The following CENPP variants were observed in gnomAD, a reference collection of about 807,000 sequenced individuals.
CENPP encodes the protein centromere protein P.
Under a neutral mutation model 35.6 loss-of-function variants are expected in CENPP, and 24 were observed. That is an observed-to-expected ratio of 0.67 (90% CI 0.49 to 0.95). CENPP has a LOEUF of 0.95. CENPP is among the 40% of genes least tolerant of loss of function. The probability of loss-of-function intolerance (pLI) is 0.00; values close to 1 mark genes in which losing one functional copy is unlikely to be tolerated. For missense variants in CENPP, 332 were observed against 345.3 expected (o/e 0.96, Z 0.31); for synonymous variants, 120 against 125.5 (o/e 0.96, Z 0.29).
intron 5 of CENPP, among the ~76,000 whole-genome samples, chr9:92,481,928 ACTTCATGAT>A (rs2131104103): frequency 6.6e-6 from 1 of 152,178 alleles, no homozygotes; most frequent in South Asian, 2.1e-4. Context: ...ATATCCCCAA[ACTTCATGAT>A]CATTATTATA....
At chr9:92,329,462 G>A (rs1197789117) in intron 1 of CENPP, among the ~76,000 whole-genome samples, 3 of 152,076 alleles carry the variant, frequency 2.0e-5, no homozygotes, top group East Asian at 1.9e-4. Context: ...CTGGGATTAC[G>A]TGAGCCACCG....
chr9:92,344,658 C>T (rs1841229376), intron 3 of CENPP, among the ~76,000 whole-genome samples: 1 of 151,926 alleles, frequency 6.6e-6, no homozygotes, highest in African/African-American at 2.4e-5. Context: ...AGCGATTCTC[C>T]TGCCTCAGCC....
At chr9:92,567,399 T>TAGATAGACAGATAG (rs34193112) in intron 5 of CENPP, among the ~76,000 whole-genome samples, 8 of 136,198 alleles carry the variant, frequency 5.9e-5, no homozygotes, top group Non-Finnish European at 1.1e-4. Context: ...TATATATAGA[T>TAGATAGACAGATAG]ATATATATAA....
intron 5 of CENPP, among the ~76,000 whole-genome samples, chr9:92,487,003 A>C (rs1282743791): frequency 6.6e-6 from 1 of 152,118 alleles, no homozygotes; most frequent in East Asian, 1.9e-4. Context: ...GCTGGTCTGG[A>C]GCTCCTGACC....
In CENPP at chr9:92,476,869, A is replaced by G. The variant is rs1284921040; in HGVS notation, c.564+97010A>G. 6.6e-6 allele frequency among the ~76,000 whole-genome samples: 1 copy of G among 152,080 alleles called. No homozygotes were observed. On this transcript the variant is annotated intron_variant, in intron 5 of 7. Transcript: ENST00000375587. The surrounding 1 kb of genome is among the most constrained non-coding windows in gnomAD (Gnocchi z 4.1). ...TCTGTGCTGCCTTCTGCTCCAGCTC[A>G]TGTGGGGGGACTCAGTTGTTTTATC... is the stretch of plus-strand genomic sequence containing the variant.
intron 5 of CENPP, among the ~76,000 whole-genome samples, chr9:92,394,252 C>G (rs190062463): frequency 6.6e-6 from 1 of 151,846 alleles, no homozygotes; most frequent in Non-Finnish European, 1.5e-5. Context: ...TATTTACTTA[C>G]TTATTTTTGA....
In CENPP at chr9:92,452,792, A is replaced by G. The variant is rs576451239; in HGVS notation, c.564+72933A>G. Among the ~76,000 whole-genome samples the G allele has an allele frequency of 5.9e-3, 904 of 152,266 alleles. 5 individuals are homozygous for G. The highest frequency in any genetic ancestry group is 0.01 in the Non-Finnish European group (692 of 68,018). On this transcript the variant is annotated intron_variant, in intron 5 of 7. Coordinates refer to ENST00000375587, the MANE Select transcript of CENPP (RefSeq NM_001012267.3). ...CAATTTCAGAGTCTGTTATTGGTCT[A>G]TTCAGAGATTCAACTTCTTCCTGGT... is the stretch of plus-strand genomic sequence containing the variant.
intron 5 of CENPP, chr9:92,512,231 G>A: frequency 1.6e-6 from 1 of 633,024 alleles, no homozygotes; most frequent in Non-Finnish European, 2.7e-6. Flanking sequence ...TTTGTCTGGA[G>A]GAGAAAGCAA....
intron 5 of CENPP, among the ~76,000 whole-genome samples, chr9:92,532,015 G>GTTTTTTTGTTT (rs1848798898): frequency 1.0e-5 from 1 of 95,736 alleles, no homozygotes; most frequent in African/African-American, 5.9e-5. Context: ...TTTATTTAAT[G>GTTTTTTTGTTT]TTTTTTTTTT....
intron 5 of CENPP, among the ~76,000 whole-genome samples, chr9:92,473,831 T>C (rs538351639): frequency 3.3e-4 from 51 of 152,388 alleles, no homozygotes; most frequent in African/African-American, 1.1e-3. Flanking sequence ...TTGCCATGAA[T>C]GCTATGGCAG....
intron 5 of CENPP, among the ~76,000 whole-genome samples, chr9:92,419,597 C>A (rs980684854): frequency 6.6e-6 from 1 of 152,164 alleles, no homozygotes; most frequent in Non-Finnish European, 1.5e-5. Context: ...CTGCATCCAG[C>A]CTCCTTGTGT....
At chr9:92,336,187 T>C (rs1278654977) in intron 2 of CENPP, among the ~76,000 whole-genome samples, 1 of 152,248 alleles carries the variant, frequency 6.6e-6, no homozygotes, top group Non-Finnish European at 1.5e-5. Context: ...AGTTTCCTCT[T>C]GATGACATTC....
chr9:92,477,184 G>A (rs774914499), intron 5 of CENPP, among the ~76,000 whole-genome samples: 33 of 152,172 alleles, frequency 2.2e-4, no homozygotes, highest in Non-Finnish European at 3.8e-4. Flanking sequence ...CAGGCAGGTT[G>A]ATGTTTCGTA....
intron 5 of CENPP, among the ~76,000 whole-genome samples, chr9:92,513,628 T>TAC (rs1268076294): frequency 1.3e-5 from 2 of 152,198 alleles, no homozygotes; most frequent in African/African-American, 4.8e-5. Context: ...GAACTACTGA[T>TAC]ACACAAAACA....
chr9:92,340,694 A>G (rs1183371164), intron 3 of CENPP, among the ~76,000 whole-genome samples: 1 of 152,136 alleles, frequency 6.6e-6, no homozygotes, highest in Non-Finnish European at 1.5e-5. Context: ...GACCCTTATC[A>G]CTTCCCCAAT....
At chr9:92,500,192 CT>C (rs368245554) in intron 5 of CENPP, among the ~76,000 whole-genome samples, 2 of 151,836 alleles carry the variant, frequency 1.3e-5, no homozygotes, top group Admixed American at 6.6e-5. Flanking sequence ...ATCTGTTAAT[CT>C]TTTTTTTGAG....
intron 3 of CENPP, among the ~76,000 whole-genome samples, chr9:92,343,720 A>AG (rs1452493782): frequency 6.6e-6 from 1 of 152,160 alleles, no homozygotes; most frequent in Admixed American, 6.5e-5. Flanking sequence ...CCAAGGCAGG[A>AG]GGATAGCTTG....
At chr9:92,576,724 T>G (rs1850291851) in intron 5 of CENPP, among the ~76,000 whole-genome samples, 1 of 152,158 alleles carries the variant, frequency 6.6e-6, no homozygotes, top group South Asian at 2.1e-4. Flanking sequence ...TTAAATATGA[T>G]TTAAATCATA....
chr9:92,587,105 CAG>C (rs1490382476), intron 5 of CENPP, among the ~76,000 whole-genome samples: 1 of 151,548 alleles, frequency 6.6e-6, no homozygotes, highest in Non-Finnish European at 1.5e-5. Context: ...TAAATATGCT[CAG>C]AGAAAAAAGA....
Sources: allele counts gnomAD v4.1 joint callset (sites outside exome capture counted in the v4.1 genomes callset), GRCh38; gene constraint gnomAD v4.1.1; non-coding constraint Gnocchi (gnomAD v3.1); transcripts MANE v1.5; gene names NCBI Gene and HGNC (gene_info 2026-07-23, HGNC 2026-07-21).